The following DCC variants were observed in gnomAD, a reference collection of about 807,000 sequenced individuals.
DCC encodes the protein DCC netrin 1 receptor.
Under a neutral mutation model 172.5 loss-of-function variants are expected in DCC, and 58 were observed. That is an observed-to-expected ratio of 0.34 (90% CI 0.27 to 0.42). The LOEUF (loss-of-function observed/expected upper bound fraction) is 0.42. DCC is among the 10% of genes least tolerant of loss of function. The pLI, the probability that DCC is intolerant of heterozygous loss-of-function variation, is 1.00. For missense variants in DCC, 1,740 were observed against 1,791.0 expected (o/e 0.97, Z 0.51); for synonymous variants, 709 against 644.5 (o/e 1.10, Z -1.52).
chr18:53,207,912 A>G, intron 11 of DCC, 95 bp downstream of exon 11: 1 of 1,210,908 alleles, frequency 8.3e-7, no homozygotes, highest in Non-Finnish European at 1.2e-6. Context: ...TCCATTTTCA[A>G]GGCTTCCTGA....
chr18:53,346,141 G>T (rs903165254), intron 15 of DCC, among the ~76,000 whole-genome samples: 1 of 152,038 alleles, frequency 6.6e-6, no homozygotes. Context: ...AAACAGGCAT[G>T]TGTCAACATG....
rs61387067 is a variant in DCC, at chr18:53,298,527, CAAAAAAAAAAAAAAAA to C, written c.1912-7036_1912-7021del. Among the ~76,000 whole-genome samples, 7 of 33,078 alleles carry C rather than the reference CAAAAAAAAAAAAAAAA, an allele frequency of 2.1e-4. No individual in the cohort carries two copies. In the South Asian group the frequency reaches 0.011, roughly 51 times the overall value. The allele number at this position is 33,078 out of a possible 152,430, so 21.7% of individuals were successfully genotyped here. On this transcript the variant is annotated intron_variant, in intron 12 of 28. Transcript: ENST00000442544. ...TGGATGACACAGAGAGACCCTGACT[CAAAAAAAAAAAAAAAA>C]AAAAAAAAAAAAAAGGCTTGCAGAA...
At position 53,533,532 on chromosome 18, in the gene DCC, C is replaced by T. The variant is rs1348906154; in HGVS notation, c.*2879C>T. The T allele has an allele frequency of 6.6e-6, 1 of 152,028 alleles. No individual in the cohort carries two copies. The highest frequency in any genetic ancestry group is 1.5e-5 in the Non-Finnish European group (1 of 67,988). The allele number at this position is 152,028 out of a possible 1,614,324, so 9.4% of individuals were successfully genotyped here. A position where few individuals can be genotyped will look rare whatever the true frequency, so the allele number is the denominator to read the frequency against. ...TTCACCCTAATAAGAAAGCTATTTT[C>T]TCTCCTCTGCAGAAATTTCTGCATT... On this transcript the variant is annotated 3_prime_UTR_variant, in exon 29 of 29. Coordinates refer to ENST00000442544, the MANE Select transcript of DCC (RefSeq NM_005215.4).
chr18:53,489,040 T>TC (rs1314356049), intron 26 of DCC, among the ~76,000 whole-genome samples: 1 of 151,332 alleles, frequency 6.6e-6, no homozygotes, highest in African/African-American at 2.4e-5. Flanking sequence ...GCGCCTATAG[T>TC]CCCAGCTACT....
chr18:53,133,186 G>C (rs1377546955), intron 7 of DCC, among the ~76,000 whole-genome samples: 2 of 152,192 alleles, frequency 1.3e-5, no homozygotes, highest in Non-Finnish European at 2.9e-5. Context: ...ATCTGACTGA[G>C]TTTGTGCCAA....
At chr18:53,507,449 T>C (rs1431168223) in intron 27 of DCC, among the ~76,000 whole-genome samples, 1 of 152,238 alleles carries the variant, frequency 6.6e-6, no homozygotes, top group Admixed American at 6.5e-5. Context: ...ATAACTCTTA[T>C]CTTACTAGCA....
intron 1 of DCC, among the ~76,000 whole-genome samples, chr18:52,590,400 C>T (rs919587863): frequency 2.0e-5 from 3 of 152,042 alleles, no homozygotes; most frequent in Admixed American, 6.6e-5. Context: ...AAAAGATAGA[C>T]ACATTAGGGA....
chr18:53,311,554 T>A (rs1691010679), intron 13 of DCC, among the ~76,000 whole-genome samples: 1 of 152,260 alleles, frequency 6.6e-6, no homozygotes, highest in Admixed American at 6.5e-5. Flanking sequence ...CCTTTCACTA[T>A]GCGTGTTGTC....
chr18:53,425,613 C>T (rs541662031), intron 21 of DCC, among the ~76,000 whole-genome samples: 2 of 152,110 alleles, frequency 1.3e-5, no homozygotes, highest in South Asian at 2.1e-4. Flanking sequence ...CTGCCCGCCT[C>T]GGCCTCCCAA....
intron 19 of DCC, among the ~76,000 whole-genome samples, chr18:53,407,828 A>G (rs1234226267): frequency 6.6e-6 from 1 of 151,892 alleles, no homozygotes; most frequent in African/African-American, 2.4e-5. Flanking sequence ...ATATGAGGCA[A>G]TTTTATTGAT....
chr18:53,228,263 A>T (rs62100776), intron 12 of DCC, among the ~76,000 whole-genome samples: 52,525 of 151,742 alleles, frequency 0.35, 10,361 homozygotes, highest in Non-Finnish European at 0.46. Context: ...TAAAAAAATA[A>T]AAATAAAAAA....
At chr18:53,115,343 A>G (rs1168455067) in intron 7 of DCC, among the ~76,000 whole-genome samples, 1 of 151,626 alleles carries the variant, frequency 6.6e-6, no homozygotes, top group Non-Finnish European at 1.5e-5. Flanking sequence ...AGACTTGAGT[A>G]TCTATGTCAT....
At chr18:52,793,005 TAGAAGAA>T in intron 2 of DCC, among the ~76,000 whole-genome samples, 1 of 152,062 alleles carries the variant, frequency 6.6e-6, no homozygotes, top group East Asian at 1.9e-4. Flanking sequence ...GAAAGTTTAA[TAGAAGAA>T]AGGAGAGAGG....
chr18:53,080,528 G>T (rs28719708), intron 7 of DCC, among the ~76,000 whole-genome samples: 2,449 of 152,162 alleles, frequency 0.016, 80 homozygotes, highest in African/African-American at 0.056. Flanking sequence ...ATATCCCAAA[G>T]ACTCCAAAAC....
chr18:52,638,892 A>G (rs71367287), intron 1 of DCC, among the ~76,000 whole-genome samples: 4,787 of 152,218 alleles, frequency 0.031, 124 homozygotes, highest in Admixed American at 0.079. Context: ...TCCAAGAACC[A>G]CAGAATACAC....
chr18:52,938,613 A>T (rs982383608), intron 5 of DCC, among the ~76,000 whole-genome samples: 8 of 152,114 alleles, frequency 5.3e-5, no homozygotes, highest in Non-Finnish European at 7.4e-5. Context: ...GAAAATAAGC[A>T]TTCACAATTA....
chr18:52,489,567 G>A (rs1410456903), intron 1 of DCC, among the ~76,000 whole-genome samples: 1 of 152,050 alleles, frequency 6.6e-6, no homozygotes, highest in South Asian at 2.1e-4. Context: ...CTTGGAGAGG[G>A]GAAGCAATAA....
intron 5 of DCC, among the ~76,000 whole-genome samples, chr18:52,994,798 T>A (rs1402602976): frequency 2.0e-5 from 3 of 152,186 alleles, no homozygotes; most frequent in Non-Finnish European, 2.9e-5. Context: ...TCCCATGATG[T>A]TTTAATGTTT....
intron 2 of DCC, among the ~76,000 whole-genome samples, chr18:52,757,535 C>T (rs1220071101): frequency 6.6e-6 from 1 of 152,078 alleles, no homozygotes; most frequent in African/African-American, 2.4e-5. Flanking sequence ...ACTTGCCCTG[C>T]ACACTCTAAG....
Sources: gnomAD v4.1 joint callset for allele counts (sites outside exome capture counted in the v4.1 genomes callset) on GRCh38, gnomAD v4.1.1 for gene constraint, MANE v1.5 for transcripts, NCBI Gene and HGNC (gene_info 2026-07-23, HGNC 2026-07-21) for gene names.